Variants in OR14L1 observed in about 807,000 individuals in gnomAD.
OR14L1 encodes the protein olfactory receptor 14L1.
At chr1:247,619,412 TGTC>T in the OR14L1 span, among the ~76,000 whole-genome samples, 1 of 152,212 alleles carries the variant, frequency 6.6e-6, no homozygotes, top group African/African-American at 2.4e-5. Context: ...GCATTTTGGT[TGTC>T]GTCTTTTATA....
chr1:247,621,789 T>C, the OR14L1 span: 1 of 152,198 alleles, frequency 6.6e-6, no homozygotes, highest in East Asian at 1.9e-4. Flanking sequence ...ATAAGTGAGA[T>C]CCTGTGGTAT....
chr1:247,618,873 A>G, the OR14L1 span, among the ~76,000 whole-genome samples: 1 of 152,170 alleles, frequency 6.6e-6, no homozygotes, highest in Non-Finnish European at 1.5e-5. Flanking sequence ...ATAACAACAC[A>G]AAATAAGACC....
chr1:247,622,346 A>T, the OR14L1 span: 2 of 152,094 alleles, frequency 1.3e-5, no homozygotes, highest in South Asian at 4.1e-4. Flanking sequence ...TAAGATGATA[A>T]ACTTAATAAG....
At chr1:247,617,638 C>T in the OR14L1 span, among the ~76,000 whole-genome samples, 19 of 150,864 alleles carry the variant, frequency 1.3e-4, no homozygotes, top group African/African-American at 3.2e-4. Flanking sequence ...TAGTATAATA[C>T]GAGTTTTGAT....
chr1:247,621,546 A>G, the OR14L1 span: 1 of 152,194 alleles, frequency 6.6e-6, no homozygotes, highest in East Asian at 1.9e-4. Flanking sequence ...TTGTGGTGAC[A>G]TTGTTTAAAA....
the OR14L1 span, chr1:247,622,006 A>G: frequency 4.6e-5 from 7 of 152,186 alleles, no homozygotes; most frequent in Admixed American, 4.6e-4. Flanking sequence ...CGCAATGCAC[A>G]TGGAAATACA....
the OR14L1 span, among the ~76,000 whole-genome samples, chr1:247,617,791 G>GTGTGTGTGTTGTGTT: frequency 1.3e-5 from 2 of 151,684 alleles, no homozygotes. Flanking sequence ...AGTTCTGTAT[G>GTGTGTGTGTTGTGTT]TGTGTGTGTT....
the OR14L1 span, chr1:247,620,751 A>T: frequency 6.6e-6 from 1 of 152,330 alleles, no homozygotes; most frequent in African/African-American, 2.4e-5. Context: ...ATTCAACCTT[A>T]GAATGCACTA....
the OR14L1 span, chr1:247,621,777 A>G: frequency 4.6e-5 from 7 of 152,056 alleles, no homozygotes; most frequent in Non-Finnish European, 1.0e-4. Context: ...CAGATTCCAC[A>G]TATAAGTGAG....
At chr1:247,617,666 A>G in the OR14L1 span, among the ~76,000 whole-genome samples, 1 of 148,472 alleles carries the variant, frequency 6.7e-6, no homozygotes, top group African/African-American at 2.5e-5. Flanking sequence ...GAATTGGATG[A>G]GTCTATATTT....
At chr1:247,619,623 A>G in the OR14L1 span, 1 of 152,068 alleles carries the variant, frequency 6.6e-6, no homozygotes, top group Non-Finnish European at 1.5e-5. Flanking sequence ...TCTCTTTAGG[A>G]AGAAATGGAA....
chr1:247,619,838 C>A, the OR14L1 span: 2 of 152,164 alleles, frequency 1.3e-5, no homozygotes, highest in Admixed American at 6.5e-5. Context: ...AGAAACTTGT[C>A]TTTCTTAGAT....
At chr1:247,618,676 C>T in the OR14L1 span, among the ~76,000 whole-genome samples, 5 of 152,120 alleles carry the variant, frequency 3.3e-5, no homozygotes, top group Non-Finnish European at 7.4e-5. Flanking sequence ...TGAAGACCAG[C>T]AAAAAGACTA....
the OR14L1 span, chr1:247,620,963 C>A: frequency 6.6e-6 from 1 of 152,056 alleles, no homozygotes; most frequent in Admixed American, 6.6e-5. Flanking sequence ...GGATTAAAAA[C>A]AACCAAATGG....
At chr1:247,617,563 TAGC>T in the OR14L1 span, among the ~76,000 whole-genome samples, 2 of 152,320 alleles carry the variant, frequency 1.3e-5, no homozygotes, top group African/African-American at 4.8e-5. Flanking sequence ...TTTGGGGTGA[TAGC>T]AGTTCTGGAT....
At chr1:247,620,962 A>C in the OR14L1 span, 1 of 152,194 alleles carries the variant, frequency 6.6e-6, no homozygotes, top group Non-Finnish European at 1.5e-5. Flanking sequence ...TGGATTAAAA[A>C]CAACCAAATG....
At chr1:247,618,120 T>C in the OR14L1 span, among the ~76,000 whole-genome samples, 1 of 152,270 alleles carries the variant, frequency 6.6e-6, no homozygotes, top group Admixed American at 6.5e-5. Flanking sequence ...ATTTAGGCGA[T>C]CAATGTCAGA....
At chr1:247,617,381 A>C in the OR14L1 span, 1 of 152,230 alleles carries the variant, frequency 6.6e-6, no homozygotes, top group African/African-American at 2.4e-5. Flanking sequence ...AGTTCAACAA[A>C]AATCAGCTCA....
chr1:247,618,117 C>T, the OR14L1 span, among the ~76,000 whole-genome samples: 2 of 151,970 alleles, frequency 1.3e-5, no homozygotes, highest in African/African-American at 2.4e-5. Context: ...GCTATTTAGG[C>T]GATCAATGTC....
Sources: allele counts gnomAD v4.1 joint callset (sites outside exome capture counted in the v4.1 genomes callset), GRCh38; gene constraint gnomAD v4.1.1; transcripts MANE v1.5; gene names NCBI Gene and HGNC (gene_info 2026-07-23, HGNC 2026-07-21).